MYO1D: variants seen among roughly 807,000 people sequenced by gnomAD.
MYO1D encodes the protein myosin ID, also known as unconventional myosin-Id.
MYO1D carries 83 observed loss-of-function variants against 122.0 expected under a neutral mutation model. The ratio of observed to expected loss-of-function variants is 0.68; its 90% CI spans 0.57 to 0.82. The LOEUF (loss-of-function observed/expected upper bound fraction) is 0.82. Among genes scored for constraint, MYO1D ranks in the 40% least tolerant of loss-of-function variants. MYO1D has a pLI of 0.00. For missense variants in MYO1D, 1,157 were observed against 1,269.5 expected (o/e 0.91, Z 1.35); for synonymous variants, 464 against 446.9 (o/e 1.04, Z -0.48).
chr17:32,721,637 AG>A (rs2150991993), intron 14 of MYO1D, among the ~76,000 whole-genome samples: 1 of 152,356 alleles, frequency 6.6e-6, no homozygotes, highest in African/African-American at 2.4e-5. Flanking sequence ...TCTGGTATAT[AG>A]TAAGTGCTCC....
chr17:32,805,625 C>T (rs1490400018), intron 1 of MYO1D, among the ~76,000 whole-genome samples: 1 of 151,366 alleles, frequency 6.6e-6, no homozygotes, highest in Non-Finnish European at 1.5e-5. Flanking sequence ...AATTAGACAG[C>T]ATTTATATAT....
At chr17:32,533,135 A>G (rs958256420) in intron 21 of MYO1D, among the ~76,000 whole-genome samples, 8 of 152,182 alleles carry the variant, frequency 5.3e-5, no homozygotes, top group African/African-American at 1.4e-4. Context: ...TTTTAGATCT[A>G]TGGCAAAATG....
chr17:32,858,405 T>C (rs773947714), intron 1 of MYO1D, among the ~76,000 whole-genome samples: 6 of 152,246 alleles, frequency 3.9e-5, no homozygotes, highest in Non-Finnish European at 7.3e-5. Flanking sequence ...CCTTTAGTTG[T>C]TATGTCTTGT....
chr17:32,791,945 G>A (rs554276957), intron 1 of MYO1D, among the ~76,000 whole-genome samples: 1 of 152,212 alleles, frequency 6.6e-6, no homozygotes, highest in Admixed American at 6.5e-5. Flanking sequence ...TTTAGTTGTT[G>A]TTTTTGAATG....
intron 1 of MYO1D, among the ~76,000 whole-genome samples, chr17:32,833,403 G>A (rs761376672): frequency 6.6e-6 from 1 of 152,022 alleles, no homozygotes; most frequent in Non-Finnish European, 1.5e-5. Flanking sequence ...CCTCTGCTGC[G>A]ATCACCCAGG....
At chr17:32,511,534 G>A (rs1909695795) in intron 21 of MYO1D, among the ~76,000 whole-genome samples, 1 of 151,656 alleles carries the variant, frequency 6.6e-6, no homozygotes, top group Admixed American at 6.6e-5. Flanking sequence ...ATCTCTTGAT[G>A]CTCTTGCTCT....
At chr17:32,578,449 G>T (rs1209511297) in intron 21 of MYO1D, among the ~76,000 whole-genome samples, 5 of 152,224 alleles carry the variant, frequency 3.3e-5, no homozygotes, top group Admixed American at 3.3e-4. Context: ...CTAGCTGGCC[G>T]AGTTTAGGAC....
intron 1 of MYO1D, among the ~76,000 whole-genome samples, chr17:32,835,013 A>T (rs1299530731): frequency 6.6e-6 from 1 of 152,190 alleles, no homozygotes; most frequent in East Asian, 1.9e-4. Context: ...TCTGCTTCAA[A>T]AACAAAAACA....
intron 16 of MYO1D, among the ~76,000 whole-genome samples, chr17:32,660,755 T>C (rs1212774166): frequency 2.0e-5 from 3 of 152,220 alleles, no homozygotes; most frequent in Non-Finnish European, 4.4e-5. Flanking sequence ...ACAGCAGCCC[T>C]TTTTAGTCAA....
intron 10 of MYO1D, chr17:32,759,977 T>C (rs1002409972): frequency 1.7e-5 from 9 of 541,608 alleles, no homozygotes; most frequent in Non-Finnish European, 2.6e-5. Flanking sequence ...ATTTAAGGTA[T>C]AACTTAATAA....
chr17:32,605,032 G>A (rs552499503), intron 21 of MYO1D, 55 bp downstream of exon 21: 22 of 1,462,694 alleles, frequency 1.5e-5, no homozygotes, highest in African/African-American at 7.0e-5. Flanking sequence ...TGATAATTAC[G>A]ATTAAAGATT....
chr17:32,839,290 C>T (rs1221846527), intron 1 of MYO1D, among the ~76,000 whole-genome samples: 1 of 152,128 alleles, frequency 6.6e-6, no homozygotes, highest in Non-Finnish European at 1.5e-5. Context: ...GAAGAAAGAA[C>T]CTTATTTTTC....
intron 16 of MYO1D, among the ~76,000 whole-genome samples, chr17:32,709,648 C>T (rs2089351151): frequency 6.6e-6 from 1 of 151,964 alleles, no homozygotes; most frequent in Admixed American, 6.6e-5. Flanking sequence ...TTTTCCTGAG[C>T]TCTAGGCAAA....
chr17:32,848,110 CTAGT>C (rs925684074), intron 1 of MYO1D, among the ~76,000 whole-genome samples: 12 of 152,124 alleles, frequency 7.9e-5, no homozygotes, highest in Admixed American at 5.9e-4. Flanking sequence ...TCTCTCCGTT[CTAGT>C]TAGTTAATTT....
intron 21 of MYO1D, among the ~76,000 whole-genome samples, chr17:32,516,334 C>G (rs56087223): frequency 2.2e-3 from 341 of 152,316 alleles, no homozygotes; most frequent in Middle Eastern, 3.4e-3. Flanking sequence ...AAACCACTCA[C>G]CATGCTGCTG....
intron 6 of MYO1D, among the ~76,000 whole-genome samples, chr17:32,768,446 A>G (rs747227437): frequency 5.9e-5 from 9 of 152,222 alleles, no homozygotes; most frequent in Non-Finnish European, 1.2e-4. Context: ...CAATAAAGCA[A>G]TAGTAACTGC....
chr17:32,750,502 C>A (rs989592043), intron 11 of MYO1D, among the ~76,000 whole-genome samples: 4 of 152,072 alleles, frequency 2.6e-5, no homozygotes, highest in African/African-American at 9.7e-5. Context: ...GTAGTCCCAG[C>A]TACTCGGGAG....
intron 10 of MYO1D, chr17:32,760,058 G>T: frequency 1.4e-6 from 1 of 697,366 alleles, no homozygotes; most frequent in Non-Finnish European, 2.6e-6. Flanking sequence ...GTGAAAACAG[G>T]TTTACTGGTT....
chr17:32,556,349 G>A (rs2087068639), intron 21 of MYO1D, among the ~76,000 whole-genome samples: 1 of 152,136 alleles, frequency 6.6e-6, no homozygotes, highest in South Asian at 2.1e-4. Flanking sequence ...GCCAAGGCCT[G>A]GCCCACTGCA....
Sources: allele counts gnomAD v4.1 joint callset (sites outside exome capture counted in the v4.1 genomes callset), GRCh38; gene constraint gnomAD v4.1.1; transcripts MANE v1.5; gene names NCBI Gene and HGNC (gene_info 2026-07-23, HGNC 2026-07-21).